The following SMCHD1 variants were observed in gnomAD, a reference collection of about 807,000 sequenced individuals.
The protein encoded by SMCHD1 is structural maintenance of chromosomes flexible hinge domain-containing protein 1.
In SMCHD1, 78 loss-of-function variants were observed where a neutral mutation model predicts 254.7. The observed-to-expected ratio is 0.31, with a 90% confidence interval of 0.26 to 0.37. SMCHD1 has a LOEUF of 0.37. Among genes scored for constraint, SMCHD1 ranks in the 10% least tolerant of loss-of-function variants. SMCHD1 has a pLI of 1.00. For missense variants in SMCHD1, 1,840 were observed against 2,408.1 expected, an observed-to-expected ratio of 0.76 and a Z score of 4.94; for synonymous variants, 766 against 794.9, an observed-to-expected ratio of 0.96 and a Z score of 0.61.
intron 3 of SMCHD1, among the ~76,000 whole-genome samples, chr18:2,672,908 G>C (rs948896865): frequency 6.6e-6 from 1 of 152,174 alleles, no homozygotes; most frequent in African/African-American, 2.4e-5. Flanking sequence ...CGTATTTCTA[G>C]ATGTGCTTAC....
chr18:2,682,418 C>T (rs949983737), intron 5 of SMCHD1, among the ~76,000 whole-genome samples: 2 of 151,902 alleles, frequency 1.3e-5, no homozygotes, highest in South Asian at 4.2e-4. Flanking sequence ...CCCTGCCTCC[C>T]AGGTTCAAGC....
rs145513260 is a variant in SMCHD1, at chr18:2,695,385, C to G, written c.1040+692C>G. Among the ~76,000 whole-genome samples, 41 of 151,572 alleles carry G rather than the reference C, an allele frequency of 2.7e-4. 1 individual carries two copies. The East Asian group carries it at 7.6e-3, about 28-fold the overall frequency. The stretch of plus-strand genomic sequence containing the variant: ...AGTGCAATGGCGCACTCTTGGCTCA[C>G]TGCAACCACCACCTCCTGGGTTCAA... On this transcript the variant is annotated intron_variant, in intron 8 of 47. Transcript: ENST00000320876.
At chr18:2,759,569 C>CTCTTTTTTTT (rs2075749400) in intron 34 of SMCHD1, among the ~76,000 whole-genome samples, 2 of 36,980 alleles carry the variant, frequency 5.4e-5, no homozygotes, top group South Asian at 7.9e-4. Context: ...TTTTAATTCT[C>CTCTTTTTTTT]TCTTTTTTTT....
At position 2,718,037 on chromosome 18, in the gene SMCHD1, A is replaced by G; in HGVS notation, c.2261-121A>G. On this transcript the variant is annotated intron_variant, in intron 17 of 47. Coordinates refer to ENST00000320876, the MANE Select transcript of SMCHD1 (RefSeq NM_015295.3). The surrounding 1 kb of genome is among the most constrained non-coding windows in gnomAD (Gnocchi z 4.6). Reference sequence around the variant, plus strand: ...TCATAGGATAGTGTTAGATCTTTTGAAGCTTCAAAGCAGGTTTTAAAATAC... The same window carrying G: ...TCATAGGATAGTGTTAGATCTTTTGGAGCTTCAAAGCAGGTTTTAAAATAC... 1.5e-6 allele frequency: 1 copy of G among 666,772 alleles called. No homozygotes were observed. 41.3% of individuals were successfully genotyped at this position (666,772 alleles called of 1,614,324 possible). A position where few individuals can be genotyped will look rare whatever the true frequency, so the allele number is the denominator to read the frequency against.
chr18:2,771,480 T>G (rs1226194922), intron 39 of SMCHD1, 53 bp from the exon 40 acceptor site: 2 of 1,324,408 alleles, frequency 1.5e-6, no homozygotes, highest in Non-Finnish European at 2.1e-6. Flanking sequence ...TTTCAAAAAC[T>G]ATGATTTGGG....
At chr18:2,708,907 T>TATATATATATATATATGTATAA (rs769432583) in intron 17 of SMCHD1, among the ~76,000 whole-genome samples, 2 of 44,702 alleles carry the variant, frequency 4.5e-5, no homozygotes, top group Non-Finnish European at 8.0e-5. Flanking sequence ...TATATATATA[T>TATATATATATATATATGTATAA]AACATATTAA....
chr18:2,747,655 T>G lies in SMCHD1; in HGVS notation c.3927+8T>G. On this transcript the variant is annotated splice_region_variant and intron_variant, in intron 30 of 47. Coordinates refer to ENST00000320876, the MANE Select transcript of SMCHD1 (RefSeq NM_015295.3). ...AAAGCTAGCAATTTAAAGGTAAGTTTTAAACTTCCTTACATCTTCATTTAA... is the reference window on the plus strand; with the variant it reads ...AAAGCTAGCAATTTAAAGGTAAGTTGTAAACTTCCTTACATCTTCATTTAA... 1 of 1,550,276 alleles carries G rather than the reference T, an allele frequency of 6.5e-7. No individual in the cohort carries two copies. Among genetic ancestry groups the G allele is most frequent in the Non-Finnish European group, 8.7e-7 (1 of 1,143,344 alleles).
At position 2,750,012 on chromosome 18, in the gene SMCHD1, A is replaced by G. The variant is rs768896516; in HGVS notation, c.3928-31A>G. The G allele has an allele frequency of 2.8e-5, 43 of 1,527,104 alleles. No homozygotes were observed. In the African/African-American group the frequency reaches 5.3e-4, roughly 19 times the overall value. 94.6% of individuals were successfully genotyped at this position (1,527,104 alleles called of 1,614,324 possible). ...ACTTGATTGATCTCTAGAATTTTCTAATTAACCATTTTGTTTTGTTTTGTT... is the reference window on the plus strand; with the variant it reads ...ACTTGATTGATCTCTAGAATTTTCTGATTAACCATTTTGTTTTGTTTTGTT... On this transcript the variant is annotated intron_variant, in intron 30 of 47. Transcript: ENST00000320876.
Position 2,655,765 on chromosome 18 carries a change from AGGCTCGCGTG to A in SMCHD1, c.-307_-298del, listed in dbSNP as rs2073032540. 4.3e-6 allele frequency: 1 copy of A among 233,258 alleles called. No individual in the cohort carries two copies. The highest frequency in any genetic ancestry group is 2.3e-5 in the African/African-American group (1 of 43,038). The allele number at this position is 233,258 out of a possible 1,614,324, so 14.4% of individuals were successfully genotyped here. On this transcript the variant is annotated 5_prime_UTR_variant, in exon 1 of 48. Coordinates refer to ENST00000320876, the MANE Select transcript of SMCHD1 (RefSeq NM_015295.3). The stretch of plus-strand genomic sequence containing the variant: ...GGCGCTGGTCGCGGGTCGCACCGTG[AGGCTCGCGTG>A]GGCGGCGATAGGCGCTGGGCCCGGG...
intron 37 of SMCHD1, among the ~76,000 whole-genome samples, chr18:2,768,541 A>T (rs925355575): frequency 2.7e-5 from 4 of 148,682 alleles, no homozygotes; most frequent in Admixed American, 6.7e-5. Flanking sequence ...TTGCTATGTT[A>T]TAGATAATTG....
intron 42 of SMCHD1, 118 bp downstream of exon 42, chr18:2,776,042 T>A: frequency 1.1e-6 from 1 of 882,210 alleles, no homozygotes; most frequent in Non-Finnish European, 1.7e-6. Context: ...TGACTTGAAT[T>A]ATATACGTTA....
chr18:2,773,647 C>T (rs1244804753), intron 41 of SMCHD1, among the ~76,000 whole-genome samples: 1 of 152,108 alleles, frequency 6.6e-6, no homozygotes, highest in Non-Finnish European at 1.5e-5. Flanking sequence ...ATAGTCCGGG[C>T]GCGTTGGCTC....
chr18:2,703,609 AAAAAT>A (rs2074451079), intron 12 of SMCHD1, 78 bp from the exon 13 acceptor site: 5 of 1,209,494 alleles, frequency 4.1e-6, no homozygotes, highest in Non-Finnish European at 5.9e-6. Context: ...ATGAAAGGAA[AAAAAT>A]AAAATGAATG....
chr18:2,767,190 TGA>T (rs2075883490), intron 37 of SMCHD1, among the ~76,000 whole-genome samples: 1 of 151,404 alleles, frequency 6.6e-6, no homozygotes, highest in African/African-American at 2.4e-5. Flanking sequence ...CCTGAGAGGT[TGA>T]GACTGCAGTG....
chr18:2,678,252 T>A (rs28470373), intron 5 of SMCHD1, among the ~76,000 whole-genome samples: 4 of 121,326 alleles, frequency 3.3e-5, no homozygotes, highest in South Asian at 2.7e-4. Context: ...TCGTTCTTTC[T>A]TTCTCTCTCT....
chr18:2,671,396 A>AT (rs1255451305), intron 3 of SMCHD1, among the ~76,000 whole-genome samples: 1 of 152,128 alleles, frequency 6.6e-6, no homozygotes, highest in Non-Finnish European at 1.5e-5. Context: ...AGTTGAAACC[A>AT]TATCAGTTGA....
At chr18:2,721,228 A>G (rs2074919810) in intron 19 of SMCHD1, among the ~76,000 whole-genome samples, 1 of 152,078 alleles carries the variant, frequency 6.6e-6, no homozygotes, top group South Asian at 2.1e-4. Context: ...TAAGTCAGTT[A>G]CACTTACTCA....
intron 19 of SMCHD1, among the ~76,000 whole-genome samples, chr18:2,719,003 A>G (rs2074864248): frequency 1.3e-5 from 2 of 151,476 alleles, no homozygotes; most frequent in Admixed American, 6.6e-5. Flanking sequence ...TCCTCCCCCA[A>G]AACGTTCTCT....
At position 2,697,031 on chromosome 18, in the gene SMCHD1, G is replaced by T; in HGVS notation, c.1041-1G>T. 1 of 1,282,262 alleles carries T rather than the reference G, an allele frequency of 7.8e-7. No homozygotes were observed. Among genetic ancestry groups the T allele is most frequent in the South Asian group, 1.5e-5 (1 of 66,698 alleles). 79.4% of individuals were successfully genotyped at this position (1,282,262 alleles called of 1,614,324 possible). A position where few individuals can be genotyped will look rare whatever the true frequency, so the allele number is the denominator to read the frequency against. ...TATAAAATTATTCTTCTCTATTTTAGGCATATTTATCACTACTATATTCAT... is the reference window on the plus strand; with the variant it reads ...TATAAAATTATTCTTCTCTATTTTATGCATATTTATCACTACTATATTCAT... On this transcript the variant is annotated splice_acceptor_variant, in intron 8 of 47. Transcript: ENST00000320876. LOFTEE classifies it high-confidence loss of function.
Sources: allele counts gnomAD v4.1 joint callset (sites outside exome capture counted in the v4.1 genomes callset), GRCh38; gene constraint gnomAD v4.1.1; non-coding constraint Gnocchi (gnomAD v3.1); transcripts MANE v1.5; gene names NCBI Gene and HGNC (gene_info 2026-07-23, HGNC 2026-07-21).